Variants in STEAP1 observed in about 807,000 individuals in gnomAD.
STEAP1 encodes the protein STEAP family member 1.
A neutral mutation model predicts 34.4 loss-of-function variants in STEAP1; 30 were observed. The ratio of observed to expected loss-of-function variants is 0.87; its 90% CI spans 0.65 to 1.18. STEAP1 has a LOEUF of 1.18. Ranked by LOEUF, STEAP1 falls within the 50% of genes most tolerant of loss-of-function variation. The pLI, the probability that STEAP1 is intolerant of heterozygous loss-of-function variation, is 0.00. For missense variants in STEAP1, 318 were observed against 391.1 expected, an observed-to-expected ratio of 0.81 and a Z score of 1.58; for synonymous variants, 116 against 135.3, an observed-to-expected ratio of 0.86 and a Z score of 0.99.
intron 2 of STEAP1, among the ~76,000 whole-genome samples, chr7:90,160,324 TA>T (rs1794167046): frequency 1.3e-5 from 2 of 152,238 alleles, no homozygotes; most frequent in Non-Finnish European, 2.9e-5. Flanking sequence ...TATAACCAAA[TA>T]AATCTACTTT....
At chr7:90,164,408 T>A in intron 4 of STEAP1, 69 bp from the exon 5 acceptor site, 1 of 1,499,056 alleles carries the variant, frequency 6.7e-7, no homozygotes. Flanking sequence ...ACAGAGCATA[T>A]CCAGATGAGG....
chr7:90,164,468 C>G lies in STEAP1; in HGVS notation c.763-9C>G. 1 of 1,591,306 alleles carries G rather than the reference C, an allele frequency of 6.3e-7. No individual in the cohort carries two copies. The highest frequency in any genetic ancestry group is 1.1e-5 in the South Asian group (1 of 87,576). ...ACCAATCTTCACCAATTTTGTTTTTCTTTTGCAGAGCAAGCTAGGAATTGT... is the reference window on the plus strand; with the variant it reads ...ACCAATCTTCACCAATTTTGTTTTTGTTTTGCAGAGCAAGCTAGGAATTGT... On this transcript the variant is annotated splice_polypyrimidine_tract_variant and intron_variant, in intron 4 of 4. Transcript: ENST00000297205.
intron 4 of STEAP1, among the ~76,000 whole-genome samples, chr7:90,164,246 A>G (rs1451298827): frequency 6.6e-6 from 1 of 152,204 alleles, no homozygotes; most frequent in Non-Finnish European, 1.5e-5. Flanking sequence ...CTTCAAAGAA[A>G]GGCTGTGAAT....
chr7:90,158,463 T>G (rs1049123186), intron 1 of STEAP1, among the ~76,000 whole-genome samples: 1 of 152,176 alleles, frequency 6.6e-6, no homozygotes, highest in African/African-American at 2.4e-5. Context: ...TTTTTTCTTT[T>G]TAGACTTTTT....
chr7:90,156,731 CT>C (rs1264270594), intron 1 of STEAP1, among the ~76,000 whole-genome samples: 2 of 152,146 alleles, frequency 1.3e-5, no homozygotes, highest in East Asian at 3.9e-4. Context: ...GAAAAATTGT[CT>C]TCCACGAAAC....
rs779932615 is a variant in STEAP1 at position 90,160,838 on chromosome 7, A to C, written c.118A>C (p.Arg40=). Residue 40 remains arginine (R), a synonymous_variant, in exon 3 of 5, where the codon AGA becomes CGA. Transcript: ENST00000297205. ...KDTGETSMLK[R]PVLLHLHQTA... is the part of the protein sequence containing the mutation. Reference sequence around the variant, plus strand: ...CACGGGAGAGACCAGCATGCTAAAAAGACCTGTGCTTTTGCATTTGCACCA... The same window carrying C: ...CACGGGAGAGACCAGCATGCTAAAACGACCTGTGCTTTTGCATTTGCACCA... 5.6e-6 allele frequency: 9 copies of C among 1,613,884 alleles called. No homozygotes were observed. Among genetic ancestry groups the C allele is most frequent in the Non-Finnish European group, 7.6e-6 (9 of 1,179,852 alleles).
chr7:90,164,764 T>C lies in STEAP1; in HGVS notation c.*30T>C, dbSNP rs991887328. ...ACTGTTTACACACATTTTTGTTCAA[T>C]ATTGATATATTTTATCACCAACATT... is the stretch of plus-strand genomic sequence containing the variant. On this transcript the variant is annotated 3_prime_UTR_variant, in exon 5 of 5. Transcript: ENST00000297205. The C allele has an allele frequency of 2.6e-6, 4 of 1,548,318 alleles. No individual in the cohort carries two copies. In the South Asian group the frequency reaches 4.9e-5, roughly 19 times the overall value.
chr7:90,161,022 C>G lies in STEAP1; in HGVS notation c.302C>G (p.Ser101Cys), dbSNP rs532811070. The change falls in exon 3 of 5, where the codon TCC becomes TGC. Residue 101 changes from serine to cysteine, a missense_variant. Transcript: ENST00000297205. ...GAAGTAATTCACCCTTTAGCAACTTCCCATCAACAATATTTTTATAAAATT... is the reference window on the plus strand; with the variant it reads ...GAAGTAATTCACCCTTTAGCAACTTGCCATCAACAATATTTTTATAAAATT... Reference protein sequence around the residue: ...LREVIHPLATSHQQYFYKIPI... With the variant: ...LREVIHPLATCHQQYFYKIPI... 2.5e-6 allele frequency: 4 copies of G among 1,613,892 alleles called. No homozygotes were observed. In the East Asian group the frequency reaches 8.9e-5, roughly 36 times the overall value.
intron 1 of STEAP1, among the ~76,000 whole-genome samples, chr7:90,155,807 C>T (rs1283912857): frequency 6.6e-6 from 1 of 152,160 alleles, no homozygotes; most frequent in African/African-American, 2.4e-5. Flanking sequence ...GGGTAACTCT[C>T]CAGGGCCACT....
At chr7:90,154,709 G>C (rs1025572340) in intron 1 of STEAP1, among the ~76,000 whole-genome samples, 166 bp downstream of exon 1, 2 of 152,280 alleles carry the variant, frequency 1.3e-5, no homozygotes, top group East Asian at 3.9e-4. Flanking sequence ...TCAATTCTCC[G>C]CTTATGCGCG....
intron 3 of STEAP1, 40 bp from the exon 4 acceptor site, chr7:90,161,874 G>A (rs761779650): frequency 3.2e-6 from 5 of 1,571,982 alleles, no homozygotes; most frequent in Non-Finnish European, 4.3e-6. Flanking sequence ...GGAAATAACT[G>A]TTGTTTGCAT....
intron 4 of STEAP1, among the ~76,000 whole-genome samples, chr7:90,162,639 A>G (rs1040337183): frequency 3.9e-5 from 6 of 152,080 alleles, no homozygotes; most frequent in African/African-American, 1.4e-4. Context: ...TGCTCTTTCT[A>G]ATATTTGAAA....
Position 90,161,065 on chromosome 7 carries a change from C to T in STEAP1, c.345C>T (p.Asn115=). Residue 115 remains asparagine (N), a synonymous_variant, in exon 3 of 5, where the codon AAC becomes AAT. Transcript: ENST00000297205. ...YFYKIPILVI[N]KVLPMVSITL... is the part of the protein sequence containing the mutation. ...ATAAAATTCCAATCCTGGTCATCAA[C>T]AAAGTCTTGCCAATGGTTTCCATCA... The T allele has an allele frequency of 6.2e-7, 1 of 1,614,008 alleles. No individual in the cohort carries two copies. Among genetic ancestry groups the T allele is most frequent in the South Asian group, 1.1e-5 (1 of 91,068 alleles).
At chr7:90,154,777 G>A (rs1425476259) in intron 1 of STEAP1, among the ~76,000 whole-genome samples, 1 of 152,226 alleles carries the variant, frequency 6.6e-6, no homozygotes, top group East Asian at 1.9e-4. Context: ...GGGGGTTGGG[G>A]AGAGCCAGGG....
intron 3 of STEAP1, among the ~76,000 whole-genome samples, chr7:90,161,617 T>C (rs1003647331): frequency 6.6e-6 from 1 of 152,150 alleles, no homozygotes; most frequent in African/African-American, 2.4e-5. Flanking sequence ...TTTAATATTG[T>C]TGTTCTTCTC....
At chr7:90,161,401 C>T (rs1794184852) in intron 3 of STEAP1, 84 bp downstream of exon 3, 1 of 1,417,266 alleles carries the variant, frequency 7.1e-7, no homozygotes, top group African/African-American at 1.4e-5. Context: ...AATATCAATA[C>T]CCCAACCCTG....
At chr7:90,163,920 C>A (rs1182141374) in intron 4 of STEAP1, among the ~76,000 whole-genome samples, 1 of 152,174 alleles carries the variant, frequency 6.6e-6, no homozygotes, top group South Asian at 2.1e-4. Flanking sequence ...CAAGTTCATT[C>A]ACTTCATTAT....
Position 90,161,638 on chromosome 7 carries a change from A to C in STEAP1, c.598-276A>C, listed in dbSNP as rs764954055. 7.9e-5 allele frequency among the ~76,000 whole-genome samples: 12 copies of C among 152,162 alleles called. No individual in the cohort carries two copies. The highest frequency in any genetic ancestry group is 1.6e-4 in the Non-Finnish European group (11 of 68,030). On this transcript the variant is annotated intron_variant, in intron 3 of 4. Coordinates refer to ENST00000297205, the MANE Select transcript of STEAP1 (RefSeq NM_012449.3). ...ATTGTTGTTCTTCTCCTTGTTTACC[A>C]ATATGCATGCACATTACAGTTCTAT...
intron 1 of STEAP1, among the ~76,000 whole-genome samples, chr7:90,158,346 A>G (rs1052828867): frequency 3.3e-5 from 5 of 151,980 alleles, no homozygotes; most frequent in African/African-American, 1.2e-4. Context: ...TATTGTTTTT[A>G]CTCTTTTGTA....
Sources: gnomAD v4.1 joint callset for allele counts (sites outside exome capture counted in the v4.1 genomes callset) on GRCh38, gnomAD v4.1.1 for gene constraint, MANE v1.5 for transcripts, NCBI Gene and HGNC (gene_info 2026-07-23, HGNC 2026-07-21) for gene names.